Variants in IPO11 observed in about 807,000 individuals in gnomAD.
IPO11 encodes the protein importin-11.
IPO11 carries 66 observed loss-of-function variants against 143.2 expected under a neutral mutation model. That is an observed-to-expected ratio of 0.46 (90% CI 0.38 to 0.57). The LOEUF (loss-of-function observed/expected upper bound fraction) is 0.57. IPO11 is among the 20% of genes least tolerant of loss of function. The pLI is 0.00. For synonymous variants in IPO11, 385 were observed against 377.8 expected (o/e 1.02, Z -0.22); for missense variants, 1,026 against 1,141.0 (o/e 0.90, Z 1.45).
chr5:62,489,803 G>A (rs904338853), intron 14 of IPO11, among the ~76,000 whole-genome samples: 5 of 152,174 alleles, frequency 3.3e-5, no homozygotes, highest in African/African-American at 1.2e-4. Flanking sequence ...AGAGAGTTAA[G>A]TAGGGACCAG....
At chr5:62,437,177 A>G (rs1272296189) in intron 1 of IPO11, 97 bp from the exon 2 acceptor site, 1 of 890,316 alleles carries the variant, frequency 1.1e-6, no homozygotes, top group Admixed American at 2.6e-5. Flanking sequence ...GAATGGGAGT[A>G]ATTCAGAACA....
intron 6 of IPO11, among the ~76,000 whole-genome samples, chr5:62,469,353 A>G (rs1561323606): frequency 6.6e-6 from 1 of 152,236 alleles, no homozygotes; most frequent in Non-Finnish European, 1.5e-5. Flanking sequence ...GCTACATTCT[A>G]AACTTAATTT....
chr5:62,584,456 T>TA (rs1744686592), intron 27 of IPO11, among the ~76,000 whole-genome samples: 1 of 151,438 alleles, frequency 6.6e-6, no homozygotes, highest in Non-Finnish European at 1.5e-5. Flanking sequence ...AAAATAAAAA[T>TA]AAAAAATAAA....
chr5:62,443,097 CTTCCCCTA>C lies in IPO11; in HGVS notation c.239+19_239+26del. On this transcript the variant is annotated intron_variant, in intron 3 of 29. Coordinates refer to ENST00000325324, the MANE Select transcript of IPO11 (RefSeq NM_016338.5). ...TGTAGCACCTCAGTAAGTTCCATCACTTCCCCTATTCCTTGAGTATAATCCTTCCCAAA... is the reference window on the plus strand; with the variant it reads ...TGTAGCACCTCAGTAAGTTCCATCACTTCCTTGAGTATAATCCTTCCCAAA... 6.7e-7 allele frequency: 1 copy of C among 1,501,348 alleles called. No homozygotes were observed. The highest frequency in any genetic ancestry group is 9.2e-7 in the Non-Finnish European group (1 of 1,084,198). The allele number at this position is 1,501,348 out of a possible 1,614,324, so 93.0% of individuals were successfully genotyped here.
At position 62,541,963 on chromosome 5, in the gene IPO11, A is replaced by G. The variant is rs147637314; in HGVS notation, c.2250+4674A>G. ...GATGGTGGTGTTTGCCTTTAATCCT[A>G]TCTACTTCAGAGACTGAGGTTATAA... is the stretch of plus-strand genomic sequence containing the variant. On this transcript the variant is annotated intron_variant, in intron 24 of 29. Transcript: ENST00000325324. Among the ~76,000 whole-genome samples the G allele has an allele frequency of 6.0e-3, 921 of 152,302 alleles. 5 individuals carry two copies. Among genetic ancestry groups the G allele is most frequent in the Admixed American group, 0.01 (158 of 15,302 alleles).
At chr5:62,447,965 T>C (rs1193624658) in intron 3 of IPO11, among the ~76,000 whole-genome samples, 1 of 152,170 alleles carries the variant, frequency 6.6e-6, no homozygotes, top group Admixed American at 6.6e-5. Flanking sequence ...TCTTCCTGCC[T>C]CGGCCTCCCA....
At chr5:62,552,157 A>C (rs1214862864) in intron 26 of IPO11, among the ~76,000 whole-genome samples, 6 of 152,000 alleles carry the variant, frequency 3.9e-5, no homozygotes, top group Non-Finnish European at 8.8e-5. Context: ...TATATATGAG[A>C]TATTCAAATA....
At chr5:62,545,796 C>G (rs1315757146) in intron 24 of IPO11, among the ~76,000 whole-genome samples, 3 of 152,154 alleles carry the variant, frequency 2.0e-5, no homozygotes. Flanking sequence ...AGGATATGAA[C>G]AGACACTTCT....
chr5:62,431,052 C>T (rs1453542163), intron 1 of IPO11, among the ~76,000 whole-genome samples: 2 of 152,128 alleles, frequency 1.3e-5, no homozygotes, highest in Admixed American at 1.3e-4. Context: ...ACTCTCCTCA[C>T]TGCAACCTCC....
intron 1 of IPO11, among the ~76,000 whole-genome samples, chr5:62,433,140 C>CT (rs1456073082): frequency 2.2e-4 from 32 of 148,514 alleles, no homozygotes; most frequent in African/African-American, 8.0e-4. Flanking sequence ...ATTTTGGCAC[C>CT]TTTTTGTTTT....
At chr5:62,428,947 G>A (rs533499639) in intron 1 of IPO11, among the ~76,000 whole-genome samples, 2 of 152,292 alleles carry the variant, frequency 1.3e-5, no homozygotes, top group Admixed American at 6.5e-5. Flanking sequence ...GATTACGCTT[G>A]CGCCACTGCA....
At chr5:62,419,111 G>A in intron 1 of IPO11, 7 of 1,550,088 alleles carry the variant, frequency 4.5e-6, no homozygotes, top group Non-Finnish European at 6.1e-6. Flanking sequence ...AATACTGTAA[G>A]CAGTTGTCAC....
At chr5:62,539,467 G>T (rs1438392387) in intron 24 of IPO11, among the ~76,000 whole-genome samples, 1 of 152,178 alleles carries the variant, frequency 6.6e-6, no homozygotes, top group Non-Finnish European at 1.5e-5. Context: ...CTGGGATACG[G>T]CAGAACTCTT....
intron 29 of IPO11, among the ~76,000 whole-genome samples, chr5:62,619,100 G>A (rs570223428): frequency 6.6e-6 from 1 of 152,260 alleles, no homozygotes; most frequent in African/African-American, 2.4e-5. Context: ...TTGCACGCCT[G>A]TAGTCCCAGC....
At position 62,504,683 on chromosome 5, in the gene IPO11, C is replaced by T. The variant is rs1262936171; in HGVS notation, c.1607C>T (p.Ala536Val). 6.7e-7 allele frequency: 1 copy of T among 1,483,696 alleles called. No homozygotes were observed. Among genetic ancestry groups the T allele is most frequent in the South Asian group, 1.2e-5 (1 of 80,784 alleles). The allele number at this position is 1,483,696 out of a possible 1,614,324, so 91.9% of individuals were successfully genotyped here. The part of the protein sequence containing the change: ...DQDLVVRIET[A>V]TTLKLTVDDF... ...TTCTTTTAGGTCCGTATTGAAACAG[C>T]TACAACTTTGAAGTTAAATATCCTT... is the stretch of plus-strand genomic sequence containing the variant. The change falls in exon 17 of 30, where the codon GCT becomes GTT. Residue 536 changes from alanine to valine, a missense_variant. Physicochemically the swap from Ala to Val is moderately conservative, Grantham distance 64. Coordinates refer to ENST00000325324, the MANE Select transcript of IPO11 (RefSeq NM_016338.5).
At chr5:62,474,124 AG>A (rs1455452584) in intron 7 of IPO11, among the ~76,000 whole-genome samples, 2 of 152,178 alleles carry the variant, frequency 1.3e-5, no homozygotes, top group African/African-American at 4.8e-5. Context: ...AGCAGTAAGG[AG>A]AATAGAGAGT....
At chr5:62,441,406 A>G (rs1039506106) in intron 2 of IPO11, among the ~76,000 whole-genome samples, 27 of 148,116 alleles carry the variant, frequency 1.8e-4, no homozygotes, top group African/African-American at 6.7e-4. Flanking sequence ...CATGTTGGTC[A>G]GGCTGGTCTT....
chr5:62,419,204 A>T, intron 1 of IPO11: 7 of 1,476,712 alleles, frequency 4.7e-6, no homozygotes, highest in Non-Finnish European at 6.3e-6. Flanking sequence ...AAAAAATGGT[A>T]CATCTGTACA....
intron 1 of IPO11, among the ~76,000 whole-genome samples, chr5:62,431,021 C>G (rs1743966954): frequency 6.6e-6 from 1 of 151,816 alleles, no homozygotes; most frequent in South Asian, 2.1e-4. Flanking sequence ...CTCTGTCACC[C>G]AGGCTGCAGT....
Sources: allele counts gnomAD v4.1 joint callset (sites outside exome capture counted in the v4.1 genomes callset), GRCh38; gene constraint gnomAD v4.1.1; transcripts MANE v1.5; gene names NCBI Gene and HGNC (gene_info 2026-07-23, HGNC 2026-07-21).